Variants in CATSPERB observed in about 807,000 individuals in gnomAD.
The protein encoded by CATSPERB is catsper channel auxiliary subunit beta.
In CATSPERB, 93 loss-of-function variants were observed where a neutral mutation model predicts 128.3. That is an observed-to-expected ratio of 0.72 (90% confidence interval 0.61 to 0.86). CATSPERB has a LOEUF of 0.86. Ranked by LOEUF, CATSPERB falls within the 40% of genes least tolerant of loss-of-function variation. The pLI, the probability that CATSPERB is intolerant of heterozygous loss-of-function variation, is 0.00. For missense variants in CATSPERB, 1,153 were observed against 1,329.5 expected, an observed-to-expected ratio of 0.87 and a Z score of 2.06; for synonymous variants, 381 against 448.8, an observed-to-expected ratio of 0.85 and a Z score of 1.91.
chr14:91,627,335 A>C (rs1264623802), intron 17 of CATSPERB, among the ~76,000 whole-genome samples: 1 of 152,348 alleles, frequency 6.6e-6, no homozygotes. Context: ...CTGTAGGGGA[A>C]GGGAGAAGAA....
At chr14:91,625,784 C>T (rs1199838843) in intron 17 of CATSPERB, among the ~76,000 whole-genome samples, 1 of 152,148 alleles carries the variant, frequency 6.6e-6, no homozygotes, top group Non-Finnish European at 1.5e-5. Flanking sequence ...CCTTGCATAT[C>T]CACATGCAAA....
At chr14:91,673,518 G>A (rs1895136067) in intron 12 of CATSPERB, among the ~76,000 whole-genome samples, 1 of 152,194 alleles carries the variant, frequency 6.6e-6, no homozygotes, top group Admixed American at 6.5e-5. Flanking sequence ...TGAATCCCTG[G>A]TGTTTTAGTA....
chr14:91,648,592 T>C (rs901848289), intron 15 of CATSPERB, among the ~76,000 whole-genome samples: 2 of 143,026 alleles, frequency 1.4e-5, no homozygotes, highest in Non-Finnish European at 3.1e-5. Flanking sequence ...TTGTATTCTT[T>C]TAGAGCATTG....
rs58330624 is a variant in CATSPERB at position 91,661,524 on chromosome 14, C to CATATATATATATATATATATATATAT, written c.1288-1544_1288-1543insATATATATATATATATATATATATAT. ...ATTAAGCTGCTGAGTCAGATGCTAT[C>CATATATATATATATATATATATATAT]ATATATATATATATATATATATATT... On this transcript the variant is annotated intron_variant, in intron 14 of 26. Transcript: ENST00000256343. Among the ~76,000 whole-genome samples, 133 of 126,948 alleles carry CATATATATATATATATATATATATAT rather than the reference C, an allele frequency of 1.0e-3. 3 individuals carry two copies. Among genetic ancestry groups the CATATATATATATATATATATATATAT allele is most frequent in the African/African-American group, 3.7e-3 (115 of 31,184 alleles). 83.3% of individuals were successfully genotyped at this position (126,948 alleles called of 152,430 possible).
intron 10 of CATSPERB, among the ~76,000 whole-genome samples, chr14:91,690,689 T>C (rs2139844312): frequency 6.6e-6 from 1 of 152,362 alleles, no homozygotes; most frequent in East Asian, 1.9e-4. Context: ...AATTAGTCAG[T>C]TCTATTTGCT....
chr14:91,588,775 G>T (rs1037748080), intron 24 of CATSPERB, among the ~76,000 whole-genome samples: 1 of 152,142 alleles, frequency 6.6e-6, no homozygotes, highest in Admixed American at 6.5e-5. Context: ...TCTAAAACTG[G>T]TAAGAACAGT....
At chr14:91,727,275 C>T (rs1485185430) in intron 2 of CATSPERB, among the ~76,000 whole-genome samples, 5 of 152,220 alleles carry the variant, frequency 3.3e-5, no homozygotes, top group African/African-American at 1.2e-4. Context: ...CCCTCATATT[C>T]CCCAGAGTTT....
intron 14 of CATSPERB, among the ~76,000 whole-genome samples, chr14:91,666,466 A>G (rs2030798433): frequency 6.6e-6 from 1 of 152,228 alleles, no homozygotes; most frequent in African/African-American, 2.4e-5. Flanking sequence ...TCCAGCTTTA[A>G]GCCTTCCCAC....
intron 23 of CATSPERB, among the ~76,000 whole-genome samples, chr14:91,591,605 C>T (rs61991983): frequency 0.13 from 20,398 of 151,354 alleles, 1,495 homozygotes; most frequent in Non-Finnish European, 0.17. Flanking sequence ...AAGTTGCTTT[C>T]GTATACACAG....
At chr14:91,619,609 T>G (rs901429202) in intron 19 of CATSPERB, among the ~76,000 whole-genome samples, 1 of 151,974 alleles carries the variant, frequency 6.6e-6, no homozygotes, top group Non-Finnish European at 1.5e-5. Flanking sequence ...TCTTTTACTC[T>G]GAGAGTTTTA....
chr14:91,640,412 AGT>A (rs1248733689), intron 15 of CATSPERB, among the ~76,000 whole-genome samples: 6 of 80,756 alleles, frequency 7.4e-5, no homozygotes, highest in Non-Finnish European at 2.3e-5. Context: ...ACCCCACCAC[AGT>A]CCCCAGAGTG....
intron 14 of CATSPERB, among the ~76,000 whole-genome samples, chr14:91,669,325 G>C (rs1566725327): frequency 6.6e-6 from 1 of 151,590 alleles, no homozygotes; most frequent in African/African-American, 2.4e-5. Context: ...CTCCATAGAT[G>C]GTATAACTAC....
At chr14:91,639,350 G>A in intron 15 of CATSPERB, 100 bp from the exon 16 acceptor site, 2 of 956,032 alleles carry the variant, frequency 2.1e-6, no homozygotes, top group Non-Finnish European at 3.1e-6. Flanking sequence ...AAACTAAGAG[G>A]TGGAAGTAGG....
At chr14:91,616,559 A>G (rs1035549390) in intron 20 of CATSPERB, among the ~76,000 whole-genome samples, 1 of 152,016 alleles carries the variant, frequency 6.6e-6, no homozygotes, top group Non-Finnish European at 1.5e-5. Context: ...AGATGCTAGG[A>G]GTTTAGTAAG....
intron 22 of CATSPERB, among the ~76,000 whole-genome samples, chr14:91,596,144 A>C (rs1306165390): frequency 6.6e-6 from 1 of 152,064 alleles, no homozygotes; most frequent in Admixed American, 6.5e-5. Context: ...ACAATTTCCA[A>C]AGTTATCAGA....
chr14:91,717,909 A>G (rs970991229), intron 5 of CATSPERB, among the ~76,000 whole-genome samples: 1 of 152,188 alleles, frequency 6.6e-6, no homozygotes, highest in Non-Finnish European at 1.5e-5. Context: ...CAGTACTAGC[A>G]CAAAGATATT....
intron 17 of CATSPERB, among the ~76,000 whole-genome samples, chr14:91,629,615 G>A (rs1566710488): frequency 6.6e-6 from 1 of 152,190 alleles, no homozygotes; most frequent in Non-Finnish European, 1.5e-5. Flanking sequence ...TTTCGTGTGT[G>A]TATGGGACAG....
At chr14:91,731,212 A>G (rs1026279718) in intron 1 of CATSPERB, among the ~76,000 whole-genome samples, 1 of 152,172 alleles carries the variant, frequency 6.6e-6, no homozygotes, top group Non-Finnish European at 1.5e-5. Flanking sequence ...TCTGGTTTTA[A>G]TGTCAGCAAG....
intron 20 of CATSPERB, among the ~76,000 whole-genome samples, chr14:91,613,083 T>G (rs1893866229): frequency 6.6e-6 from 1 of 152,180 alleles, no homozygotes; most frequent in African/African-American, 2.4e-5. Context: ...TAAAAAGTAT[T>G]TTAAAAAATT....
Sources: gnomAD v4.1 joint callset for allele counts (sites outside exome capture counted in the v4.1 genomes callset) on GRCh38, gnomAD v4.1.1 for gene constraint, MANE v1.5 for transcripts, NCBI Gene and HGNC (gene_info 2026-07-23, HGNC 2026-07-21) for gene names.